Variants in ZNF423 observed in about 807,000 individuals in gnomAD.
The protein encoded by ZNF423 is zinc finger protein 423.
ZNF423 carries 12 observed loss-of-function variants against 95.8 expected under a neutral mutation model. The ratio of observed to expected loss-of-function variants is 0.13; its 90% CI spans 0.08 to 0.20. The LOEUF (loss-of-function observed/expected upper bound fraction) is 0.20. ZNF423 is among the 10% of genes least tolerant of loss of function. The pLI, the probability that ZNF423 is intolerant of heterozygous loss-of-function variation, is 1.00. For missense variants in ZNF423, 1,316 were observed against 1,737.1 expected (o/e 0.76, Z 4.31); for synonymous variants, 749 against 711.9 (o/e 1.05, Z -0.83).
chr16:49,496,246 T>C (rs1967161520), intron 7 of ZNF423, among the ~76,000 whole-genome samples: 1 of 152,242 alleles, frequency 6.6e-6, no homozygotes, highest in Non-Finnish European at 1.5e-5. Flanking sequence ...GGGTGGTTAA[T>C]AACACAGCCC....
chr16:49,625,313 A>C (rs1972222755), intron 5 of ZNF423, among the ~76,000 whole-genome samples: 1 of 152,220 alleles, frequency 6.6e-6, no homozygotes, highest in South Asian at 2.1e-4. Flanking sequence ...AGATTGCACC[A>C]CTGCACTCCA....
At chr16:49,783,382 C>T (rs74018936) in intron 2 of ZNF423, among the ~76,000 whole-genome samples, 4,891 of 100,632 alleles carry the variant, frequency 0.049, 334 homozygotes, top group African/African-American at 0.18. Flanking sequence ...CTGGGATGGG[C>T]GGGAAAGAGG....
At chr16:49,649,560 T>C (rs1352888659) in intron 3 of ZNF423, among the ~76,000 whole-genome samples, 1 of 152,078 alleles carries the variant, frequency 6.6e-6, no homozygotes, top group Non-Finnish European at 1.5e-5. Flanking sequence ...GTTTCTATGC[T>C]CTTATCTGTC....
chr16:49,544,253 G>A (rs1426672200), intron 5 of ZNF423, among the ~76,000 whole-genome samples: 1 of 152,212 alleles, frequency 6.6e-6, no homozygotes, highest in African/African-American at 2.4e-5. Flanking sequence ...GCAATAGCAG[G>A]AAGGAGTGCA....
At chr16:49,567,716 G>C (rs978015999) in intron 5 of ZNF423, among the ~76,000 whole-genome samples, 1 of 152,236 alleles carries the variant, frequency 6.6e-6, no homozygotes, top group Admixed American at 6.5e-5. Flanking sequence ...GATGTCAAGA[G>C]AGGCTAGGGC....
intron 1 of ZNF423, among the ~76,000 whole-genome samples, chr16:49,824,041 G>A (rs567394313): frequency 5.3e-5 from 8 of 152,188 alleles, no homozygotes; most frequent in Non-Finnish European, 1.2e-4. Flanking sequence ...ATAATGCCAC[G>A]GCACTCCAGC....
chr16:49,710,728 G>A (rs558796454), intron 3 of ZNF423, among the ~76,000 whole-genome samples: 1 of 152,322 alleles, frequency 6.6e-6, no homozygotes, highest in South Asian at 2.1e-4. Context: ...ACCTGGGGAA[G>A]ATTCTCATTT....
In ZNF423 at chr16:49,491,019, T is replaced by G; in HGVS notation, c.*256A>C. On this transcript the variant is annotated 3_prime_UTR_variant, in exon 8 of 8. Coordinates refer to ENST00000563137, the MANE Select transcript of ZNF423 (RefSeq NM_001379286.1). ...AAGCAGGTTTCTCTAACTCTAGAAA[T>G]GTAGTCTGCGGCGGAAAGTCTAAAA... is the stretch of plus-strand genomic sequence containing the variant. The G allele has an allele frequency of 2.0e-6, 1 of 501,414 alleles. No individual in the cohort carries two copies. The highest frequency in any genetic ancestry group is 1.9e-5 in the African/African-American group (1 of 53,000). The allele number at this position is 501,414 out of a possible 1,614,324, so 31.1% of individuals were successfully genotyped here.
At chr16:49,528,170 G>T (rs1036693512) in intron 5 of ZNF423, among the ~76,000 whole-genome samples, 4 of 151,942 alleles carry the variant, frequency 2.6e-5, no homozygotes, top group African/African-American at 9.7e-5. Flanking sequence ...GAATGGCGAC[G>T]GGCCCATCTG....
At chr16:49,559,351 C>T in intron 5 of ZNF423, among the ~76,000 whole-genome samples, 1 of 152,228 alleles carries the variant, frequency 6.6e-6, no homozygotes, top group Non-Finnish European at 1.5e-5. Flanking sequence ...GCCTTCTCTG[C>T]TAATGAGGTA....
At chr16:49,846,071 G>A (rs2035241888) in intron 1 of ZNF423, among the ~76,000 whole-genome samples, 1 of 152,160 alleles carries the variant, frequency 6.6e-6, no homozygotes, top group African/African-American at 2.4e-5. Flanking sequence ...TGAGGCCGAG[G>A]CAGGCGGATT....
chr16:49,499,258 G>A (rs775000285), intron 7 of ZNF423, among the ~76,000 whole-genome samples: 2 of 152,230 alleles, frequency 1.3e-5, no homozygotes, highest in African/African-American at 2.4e-5. Flanking sequence ...CGGGATGTGC[G>A]TGAGGTTTTC....
At chr16:49,591,029 G>A (rs962001182) in intron 5 of ZNF423, among the ~76,000 whole-genome samples, 1 of 152,232 alleles carries the variant, frequency 6.6e-6, no homozygotes, top group Non-Finnish European at 1.5e-5. Context: ...TGATGATGTA[G>A]AGACATGTGT....
intron 2 of ZNF423, among the ~76,000 whole-genome samples, chr16:49,746,812 A>G (rs2033534458): frequency 6.6e-6 from 1 of 152,174 alleles, no homozygotes; most frequent in Non-Finnish European, 1.5e-5. Context: ...GCAAGAAGCA[A>G]AAGAACTACT....
intron 3 of ZNF423, among the ~76,000 whole-genome samples, chr16:49,649,620 C>T (rs1180710415): frequency 6.7e-6 from 1 of 149,978 alleles, no homozygotes; most frequent in Non-Finnish European, 1.5e-5. Context: ...ACTAAAGAAA[C>T]CCTTTACTGC....
At chr16:49,768,995 C>T (rs954082099) in intron 2 of ZNF423, among the ~76,000 whole-genome samples, 7 of 152,194 alleles carry the variant, frequency 4.6e-5, no homozygotes, top group African/African-American at 1.7e-4. Flanking sequence ...GGCCAAAAAC[C>T]TTGCAGGCTT....
At chr16:49,537,668 T>C (rs898259748) in intron 5 of ZNF423, among the ~76,000 whole-genome samples, 1 of 152,112 alleles carries the variant, frequency 6.6e-6, no homozygotes, top group African/African-American at 2.4e-5. Context: ...TCAAAAGGTC[T>C]TTTCTGAGGT....
In ZNF423 at chr16:49,725,822, C is replaced by T. The variant is rs2032998050; in HGVS notation, c.301+4949G>A. Among the ~76,000 whole-genome samples the T allele has an allele frequency of 2.6e-5, 4 of 152,122 alleles. No homozygotes were observed. In the South Asian group the frequency reaches 6.2e-4, roughly 24 times the overall value. On this transcript the variant is annotated intron_variant, in intron 3 of 7. Coordinates refer to ENST00000563137, the MANE Select transcript of ZNF423 (RefSeq NM_001379286.1). ...TGCCCCCAGCACCAGACTGCCAGCC[C>T]CTGGAGGGCAGCACGCACCCCATCT...
intron 5 of ZNF423, among the ~76,000 whole-genome samples, chr16:49,624,887 G>C (rs1020025856): frequency 6.6e-6 from 1 of 152,232 alleles, no homozygotes; most frequent in African/African-American, 2.4e-5. Flanking sequence ...CTTCTGAAAT[G>C]CTGGAAATAG....
Sources: allele counts gnomAD v4.1 joint callset (sites outside exome capture counted in the v4.1 genomes callset), GRCh38; gene constraint gnomAD v4.1.1; transcripts MANE v1.5; gene names NCBI Gene and HGNC (gene_info 2026-07-23, HGNC 2026-07-21).